Variants in NCOA2 observed in about 807,000 individuals in gnomAD.
NCOA2 encodes the protein nuclear receptor coactivator 2.
In NCOA2, 21 loss-of-function variants were observed where a neutral mutation model predicts 145.1. That is an observed-to-expected ratio of 0.14 (90% CI 0.10 to 0.21). The LOEUF (loss-of-function observed/expected upper bound fraction) is 0.21, where lower values mean the gene tolerates loss of function less well. Ranked by LOEUF, NCOA2 falls within the 10% of genes least tolerant of loss-of-function variation. NCOA2 has a pLI of 1.00. For missense variants in NCOA2, 1,472 were observed against 1,837.6 expected (o/e 0.80, Z 3.64); for synonymous variants, 619 against 637.5 (o/e 0.97, Z 0.44).
At chr8:70,430,535 C>G in the NCOA2 span, among the ~76,000 whole-genome samples, 1 of 152,212 alleles carries the variant, frequency 6.6e-6, no homozygotes, top group East Asian at 1.9e-4. Flanking sequence ...ATGTTTTCTT[C>G]TGCCTTGTGG....
chr8:70,276,414 A>C (rs1231109908), intron 2 of NCOA2, among the ~76,000 whole-genome samples: 1 of 152,176 alleles, frequency 6.6e-6, no homozygotes, highest in Admixed American at 6.5e-5. Flanking sequence ...CTGAATGCCA[A>C]ATTTTAAGTA....
chr8:70,221,004 C>T (rs542268701), intron 2 of NCOA2, among the ~76,000 whole-genome samples: 8 of 152,268 alleles, frequency 5.3e-5, no homozygotes, highest in East Asian at 1.9e-4. Context: ...AAGTTAGAAA[C>T]GACACAGAAA....
At chr8:70,145,621 CTTTT>C (rs527848276) in intron 12 of NCOA2, among the ~76,000 whole-genome samples, 1 of 140,624 alleles carries the variant, frequency 7.1e-6, no homozygotes, top group South Asian at 2.3e-4. Flanking sequence ...GTGCCCAGCC[CTTTT>C]TTTTTTTTTT....
At chr8:70,212,075 ATATATATATAT>A (rs1220797130) in intron 4 of NCOA2, among the ~76,000 whole-genome samples, 1 of 9,048 alleles carries the variant, frequency 1.1e-4, no homozygotes, top group Non-Finnish European at 5.6e-4. Context: ...GCATATATAT[ATATATATATAT>A]ATATATATAT....
intron 1 of NCOA2, among the ~76,000 whole-genome samples, chr8:70,363,704 A>G (rs1351382069): frequency 1.3e-5 from 2 of 152,206 alleles, no homozygotes; most frequent in African/African-American, 4.8e-5. Flanking sequence ...CTACAGAAAG[A>G]GAAAAACAGA....
the NCOA2 span, among the ~76,000 whole-genome samples, chr8:70,415,166 G>T: frequency 6.6e-6 from 1 of 151,628 alleles, no homozygotes; most frequent in Non-Finnish European, 1.5e-5. Context: ...AAATTAACCT[G>T]AGTTTTTTAT....
intron 20 of NCOA2, among the ~76,000 whole-genome samples, chr8:70,124,325 T>C (rs1808164224): frequency 6.6e-6 from 1 of 151,916 alleles, no homozygotes; most frequent in Non-Finnish European, 1.5e-5. Context: ...CCAGGGAAAC[T>C]TTCTATAGAC....
intron 4 of NCOA2, among the ~76,000 whole-genome samples, chr8:70,178,398 T>G (rs191057076): frequency 6.6e-6 from 1 of 152,318 alleles, no homozygotes; most frequent in Admixed American, 6.5e-5. Context: ...ATGCAAAACA[T>G]GCTGTTTTAT....
At chr8:70,391,441 G>C (rs142079679) in intron 1 of NCOA2, among the ~76,000 whole-genome samples, 1 of 152,252 alleles carries the variant, frequency 6.6e-6, no homozygotes, top group East Asian at 1.9e-4. Context: ...ATCTCCTTAT[G>C]ATCTGCCAGT....
rs949832830 is a variant in NCOA2 at position 70,141,094 on chromosome 8, C to G, written c.3028+90G>C. The G allele has an allele frequency of 7.9e-6, 10 of 1,263,202 alleles. No individual in the cohort carries two copies. The African/African-American group carries it at 1.5e-4, about 19-fold the overall frequency. The allele number at this position is 1,263,202 out of a possible 1,614,324, so 78.2% of individuals were successfully genotyped here. A position where few individuals can be genotyped will look rare whatever the true frequency, so the allele number is the denominator to read the frequency against. On this transcript the variant is annotated intron_variant, in intron 14 of 22. Transcript: ENST00000452400. ...TCATGGGAGGATTATCTAAAATGCC[C>G]ATAAGAAGCATGTCTTGAAAGAACT... is the stretch of plus-strand genomic sequence containing the variant.
intron 15 of NCOA2, among the ~76,000 whole-genome samples, chr8:70,132,752 G>T (rs1265914543): frequency 6.6e-6 from 1 of 152,148 alleles, no homozygotes; most frequent in Non-Finnish European, 1.5e-5. Context: ...TTTTTGTAGA[G>T]ATGGCGTTTC....
At chr8:70,255,922 T>C (rs1051825041) in intron 2 of NCOA2, among the ~76,000 whole-genome samples, 1 of 152,206 alleles carries the variant, frequency 6.6e-6, no homozygotes, top group Non-Finnish European at 1.5e-5. Flanking sequence ...GCTTGCTACA[T>C]GAATGGAAGC....
chr8:70,366,543 A>C (rs1368941926), intron 1 of NCOA2, among the ~76,000 whole-genome samples: 1 of 151,232 alleles, frequency 6.6e-6, no homozygotes, highest in African/African-American at 2.4e-5. Flanking sequence ...ATATGTATAT[A>C]TTAATGTTAT....
At chr8:70,376,483 T>C (rs1405628187) in intron 1 of NCOA2, among the ~76,000 whole-genome samples, 1 of 152,230 alleles carries the variant, frequency 6.6e-6, no homozygotes, top group Non-Finnish European at 1.5e-5. Flanking sequence ...TGTTTTGTTT[T>C]TAAGCTGGTT....
At chr8:70,367,958 TAGA>T (rs1265514411) in intron 1 of NCOA2, among the ~76,000 whole-genome samples, 1 of 152,212 alleles carries the variant, frequency 6.6e-6, no homozygotes, top group Non-Finnish European at 1.5e-5. Context: ...TACTGTTACA[TAGA>T]AGTAGACACT....
chr8:70,313,099 T>C (rs984601099), intron 1 of NCOA2, among the ~76,000 whole-genome samples: 2 of 152,198 alleles, frequency 1.3e-5, no homozygotes, highest in Admixed American at 6.5e-5. Context: ...GGAAGATAAA[T>C]TACTTAATCA....
At chr8:70,262,252 T>C (rs908109825) in intron 2 of NCOA2, among the ~76,000 whole-genome samples, 2 of 152,190 alleles carry the variant, frequency 1.3e-5, no homozygotes, top group African/African-American at 2.4e-5. Context: ...TTATAGTAAC[T>C]GTCAGAGCTT....
intron 2 of NCOA2, among the ~76,000 whole-genome samples, chr8:70,282,598 G>A (rs953718587): frequency 4.6e-5 from 7 of 151,184 alleles, no homozygotes; most frequent in African/African-American, 1.7e-4. Context: ...TGAGGCAGGA[G>A]AATCGCTTGA....
In NCOA2 at chr8:70,257,900, T is replaced by C. The variant is rs576215266; in HGVS notation, c.-20+38844A>G. ...AACAGCAAAAAAAAAAAAAGAAAGA[T>C]GAGCATGTCTTTTTTCTTTTCTTTT... On this transcript the variant is annotated intron_variant, in intron 2 of 22. Transcript: ENST00000452400. 9.9e-5 allele frequency among the ~76,000 whole-genome samples: 15 copies of C among 151,518 alleles called. No homozygotes were observed. The East Asian group carries it at 2.9e-3, about 29-fold the overall frequency.
Sources: gnomAD v4.1 joint callset for allele counts (sites outside exome capture counted in the v4.1 genomes callset) on GRCh38, gnomAD v4.1.1 for gene constraint, MANE v1.5 for transcripts, NCBI Gene and HGNC (gene_info 2026-07-23, HGNC 2026-07-21) for gene names.